COL25A1: variants seen among roughly 807,000 people sequenced by gnomAD.
COL25A1 encodes the protein collagen alpha-1(XXV) chain.
COL25A1 carries 103 observed loss-of-function variants against 128.4 expected under a neutral mutation model. The ratio of observed to expected loss-of-function variants is 0.80; its 90% CI spans 0.68 to 0.94. COL25A1 has a LOEUF of 0.94. COL25A1 is among the 40% of genes least tolerant of loss of function. The pLI, the probability that COL25A1 is intolerant of heterozygous loss-of-function variation, is 0.00. For synonymous variants in COL25A1, 279 were observed against 277.2 expected (o/e 1.01, Z -0.06); for missense variants, 745 against 840.0 (o/e 0.89, Z 1.40).
At chr4:109,031,318 G>A (rs1444900247) in intron 5 of COL25A1, among the ~76,000 whole-genome samples, 6 of 151,140 alleles carry the variant, frequency 4.0e-5, no homozygotes, top group African/African-American at 2.4e-5. Flanking sequence ...GGGTTTCACC[G>A]TGTTAGCCAG....
At chr4:109,251,908 A>G (rs1780674969) in intron 3 of COL25A1, among the ~76,000 whole-genome samples, 1 of 152,242 alleles carries the variant, frequency 6.6e-6, no homozygotes, top group South Asian at 2.1e-4. Context: ...CTTGCAAGGT[A>G]TTGCCACTGA....
chr4:108,941,762 T>C (rs1209009883), intron 8 of COL25A1, among the ~76,000 whole-genome samples: 1 of 152,188 alleles, frequency 6.6e-6, no homozygotes, highest in Admixed American at 6.5e-5. Context: ...CATTCTTCAG[T>C]CTGAGCAGAA....
chr4:108,850,190 C>T (rs1735603077), intron 26 of COL25A1, among the ~76,000 whole-genome samples: 2 of 152,122 alleles, frequency 1.3e-5, no homozygotes, highest in Non-Finnish European at 2.9e-5. Context: ...ATTTATCCTT[C>T]ACCCCTCAAA....
chr4:109,106,998 G>A (rs1024398572), intron 3 of COL25A1, among the ~76,000 whole-genome samples: 1 of 151,996 alleles, frequency 6.6e-6, no homozygotes, highest in Non-Finnish European at 1.5e-5. Context: ...TGAACTCCTG[G>A]GCTCAAGCAA....
chr4:109,261,926 T>G (rs1401830374), intron 3 of COL25A1, among the ~76,000 whole-genome samples: 3 of 151,840 alleles, frequency 2.0e-5, no homozygotes, highest in Non-Finnish European at 2.9e-5. Flanking sequence ...CTCGATCTCC[T>G]GACCTCGTGA....
chr4:109,296,976 G>A (rs777592526), intron 3 of COL25A1, among the ~76,000 whole-genome samples: 5 of 152,078 alleles, frequency 3.3e-5, no homozygotes, highest in Non-Finnish European at 7.4e-5. Flanking sequence ...ATAGCAAAGA[G>A]CCAACTTATT....
At chr4:109,009,723 G>C (rs556542777) in intron 6 of COL25A1, among the ~76,000 whole-genome samples, 3 of 152,240 alleles carry the variant, frequency 2.0e-5, no homozygotes, top group African/African-American at 7.2e-5. Flanking sequence ...TATTGATATT[G>C]AATTTGTTGT....
At chr4:108,999,615 G>A (rs1333611996) in intron 6 of COL25A1, among the ~76,000 whole-genome samples, 9 of 152,028 alleles carry the variant, frequency 5.9e-5, no homozygotes, top group Non-Finnish European at 1.3e-4. Flanking sequence ...CCCATTACTG[G>A]GTATATACCC....
chr4:109,051,811 G>A (rs1267297916), intron 3 of COL25A1, among the ~76,000 whole-genome samples: 8 of 152,068 alleles, frequency 5.3e-5, no homozygotes, highest in South Asian at 4.1e-4. Context: ...GATGACAGAC[G>A]AGAATTTTCC....
At chr4:109,047,250 A>G (rs1760511124) in intron 5 of COL25A1, among the ~76,000 whole-genome samples, 1 of 152,236 alleles carries the variant, frequency 6.6e-6, no homozygotes, top group African/African-American at 2.4e-5. Flanking sequence ...TGAAAAAAGA[A>G]GTGTGAAATA....
At chr4:109,043,614 G>C (rs1008587334) in intron 5 of COL25A1, among the ~76,000 whole-genome samples, 1 of 151,986 alleles carries the variant, frequency 6.6e-6, no homozygotes, top group South Asian at 2.1e-4. Flanking sequence ...GCTCTTTTCT[G>C]GCTATAGTTA....
At chr4:109,274,655 G>A (rs1782418905) in intron 3 of COL25A1, among the ~76,000 whole-genome samples, 1 of 152,058 alleles carries the variant, frequency 6.6e-6, no homozygotes, top group Admixed American at 6.5e-5. Flanking sequence ...AATATGCACA[G>A]CTATCTTTTT....
At chr4:109,276,599 A>T (rs981055240) in intron 3 of COL25A1, among the ~76,000 whole-genome samples, 3 of 152,036 alleles carry the variant, frequency 2.0e-5, no homozygotes, top group Non-Finnish European at 4.4e-5. Flanking sequence ...CCAACAGGGT[A>T]GAAGAGGTTA....
At chr4:109,026,781 G>C (rs1014575909) in intron 5 of COL25A1, among the ~76,000 whole-genome samples, 1 of 152,218 alleles carries the variant, frequency 6.6e-6, no homozygotes, top group African/African-American at 2.4e-5. Flanking sequence ...ACAGGACATA[G>C]AGAAAAGAAA....
intron 6 of COL25A1, among the ~76,000 whole-genome samples, chr4:109,008,078 C>T (rs148340737): frequency 5.9e-5 from 9 of 152,308 alleles, no homozygotes; most frequent in Non-Finnish European, 7.3e-5. Flanking sequence ...CTATAAGACA[C>T]GAGCACTTGG....
intron 8 of COL25A1, among the ~76,000 whole-genome samples, chr4:108,954,078 C>A (rs911540171): frequency 3.9e-5 from 6 of 152,074 alleles, no homozygotes; most frequent in African/African-American, 1.4e-4. Context: ...AGTATAATTC[C>A]TTTTCGAAAA....
At chr4:108,866,854 T>G (rs1377867893) in intron 20 of COL25A1, among the ~76,000 whole-genome samples, 1 of 152,240 alleles carries the variant, frequency 6.6e-6, no homozygotes, top group East Asian at 1.9e-4. Flanking sequence ...ACATGCATGT[T>G]GCTGTTTTAA....
chr4:109,033,635 T>C (rs2125918084), intron 5 of COL25A1, among the ~76,000 whole-genome samples: 1 of 152,342 alleles, frequency 6.6e-6, no homozygotes, highest in South Asian at 2.1e-4. Flanking sequence ...TCCAGGTTTC[T>C]AAATTGTCTT....
At chr4:108,814,623 T>C (rs1017912990) in intron 37 of COL25A1, among the ~76,000 whole-genome samples, 2 of 152,220 alleles carry the variant, frequency 1.3e-5, no homozygotes, top group African/African-American at 4.8e-5. Context: ...AAGGTTTTCT[T>C]AGAACTGCAT....
Sources: gnomAD v4.1 joint callset for allele counts (sites outside exome capture counted in the v4.1 genomes callset) on GRCh38, gnomAD v4.1.1 for gene constraint, MANE v1.5 for transcripts, NCBI Gene and HGNC (gene_info 2026-07-23, HGNC 2026-07-21) for gene names.